COX7A2L: variants seen among roughly 807,000 people sequenced by gnomAD.
The protein encoded by COX7A2L is cytochrome c oxidase subunit 7A2 like.
Under a neutral mutation model 14.2 loss-of-function variants are expected in COX7A2L, and 18 were observed. That is an observed-to-expected ratio of 1.27 (90% CI 0.88 to 1.88). COX7A2L has a LOEUF of 1.88. Ranked by LOEUF, COX7A2L falls within the 40% of genes most tolerant of loss-of-function variation. The probability of loss-of-function intolerance (pLI) is 0.00; values close to 1 mark genes in which losing one functional copy is unlikely to be tolerated. For missense variants in COX7A2L, 179 were observed against 138.8 expected (o/e 1.29, Z -1.46); for synonymous variants, 65 against 57.4 (o/e 1.13, Z -0.60).
At chr2:42,365,273 A>T (rs760717331), upstream of COX7A2L, among the ~76,000 whole-genome samples, 7 of 152,238 alleles carry the variant, frequency 4.6e-5, no homozygotes, top group Non-Finnish European at 1.0e-4. Context: ...ATACATCTGC[A>T]GTGTTGAAAT....
chr2:42,346,822 A>G (rs1168115033), downstream of COX7A2L, among the ~76,000 whole-genome samples: 1 of 152,160 alleles, frequency 6.6e-6, no homozygotes, highest in Non-Finnish European at 1.5e-5. Flanking sequence ...TTTTTAAAAA[A>G]ATGTTTTATT....
At chr2:42,354,726 T>A (rs1670763804) in intron 1 of COX7A2L, among the ~76,000 whole-genome samples, 1 of 152,222 alleles carries the variant, frequency 6.6e-6, no homozygotes, top group African/African-American at 2.4e-5. Flanking sequence ...CATGGCCTGT[T>A]TTCTGTAACG....
chr2:42,352,295 G>C lies in COX7A2L; in HGVS notation c.204+917C>G, dbSNP rs79792674. Among the ~76,000 whole-genome samples, 11 of 152,164 alleles carry C rather than the reference G, an allele frequency of 7.2e-5. No individual in the cohort carries two copies. The East Asian group carries it at 2.1e-3, about 29-fold the overall frequency. On this transcript the variant is annotated intron_variant, in intron 2 of 2. Transcript: ENST00000234301. Reference sequence around the variant, plus strand: ...AGTGATCCTCCCGCCTCGGCCTCTGGAGTAGCTGGGGTTACAGACGCGTGC... The same window carrying C: ...AGTGATCCTCCCGCCTCGGCCTCTGCAGTAGCTGGGGTTACAGACGCGTGC...
At chr2:42,345,208 C>G (rs1428328523), downstream of COX7A2L, among the ~76,000 whole-genome samples, 1 of 151,684 alleles carries the variant, frequency 6.6e-6, no homozygotes, top group East Asian at 1.9e-4. Context: ...CATGGAGAAA[C>G]CCTGTCTCTA....
chr2:42,353,492 G>C (rs971912222), intron 1 of COX7A2L, 149 bp from the exon 2 acceptor site: 1 of 1,016,404 alleles, frequency 9.8e-7, no homozygotes, highest in South Asian at 1.6e-5. Context: ...TTGCCATTAC[G>C]ATTGCAGGGG....
rs1033345724 is a variant in COX7A2L at position 42,339,913 on chromosome 2, G to A, written c.193-6044C>T. ...TCTGTTCACACAACCCGTGAACCTC[G>A]CTGCTCTCTTCCTCTCCACCCACCT... is the stretch of plus-strand genomic sequence containing the variant. On this transcript the variant is annotated intron_variant, in intron 2 of 2. Transcript: ENST00000468711. The surrounding 1 kb of genome is among the most constrained non-coding windows in gnomAD (Gnocchi z 5.4). Among the ~76,000 whole-genome samples, 1 of 152,062 alleles carries A rather than the reference G, an allele frequency of 6.6e-6. No individual in the cohort carries two copies. The highest frequency in any genetic ancestry group is 1.5e-5 in the Non-Finnish European group (1 of 68,008).
In COX7A2L at chr2:42,339,202, C is replaced by T. The variant is rs554364538; in HGVS notation, c.193-5333G>A. Among the ~76,000 whole-genome samples, 3 of 152,172 alleles carry T rather than the reference C, an allele frequency of 2.0e-5. No homozygotes were observed. The highest frequency in any genetic ancestry group is 4.2e-4 in the South Asian group (2 of 4,816). On this transcript the variant is annotated intron_variant, in intron 2 of 2. Coordinates refer to the COX7A2L transcript ENST00000468711. This position sits in a 1 kb window ranked among gnomAD's most constrained non-coding sequence, Gnocchi z 5.4. ...GTAGTTAATTACTTTTTTTATTAACCATTATCAAGTTTAAACACAAGGATT... is the reference window on the plus strand; with the variant it reads ...GTAGTTAATTACTTTTTTTATTAACTATTATCAAGTTTAAACACAAGGATT...
intron 1 of COX7A2L, chr2:42,359,269 A>G (rs991889160): frequency 6.6e-6 from 1 of 152,188 alleles, no homozygotes; most frequent in African/African-American, 2.4e-5. Flanking sequence ...TTCCATTTAC[A>G]TGAAGTTCAA....
Position 42,351,253 on chromosome 2 carries a change from G to A in COX7A2L, c.311C>T (p.Ala104Val). Residue 104 changes from alanine to valine, a missense_variant, in exon 3 of 3, where the codon GCC becomes GTC. By Grantham distance (64) the Ala-to-Val change is moderately conservative. Transcript: ENST00000234301. ...TVGGTIYCLI[A>V]LYMASQPKNK Reference sequence around the variant, plus strand: ...TTTGGGCTGCGAAGCCATGTAGAGGGCGATCAGGCAGTAGATGGTCCCTCC... The same window carrying A: ...TTTGGGCTGCGAAGCCATGTAGAGGACGATCAGGCAGTAGATGGTCCCTCC... The A allele has an allele frequency of 2.5e-6, 4 of 1,614,168 alleles. No homozygotes were observed. Among genetic ancestry groups the A allele is most frequent in the Non-Finnish European group, 3.4e-6 (4 of 1,180,016 alleles).
downstream of COX7A2L, among the ~76,000 whole-genome samples, chr2:42,347,829 G>T (rs571677251): frequency 1.3e-5 from 2 of 152,194 alleles, no homozygotes; most frequent in African/African-American, 4.8e-5. Context: ...GCTGAGGCAG[G>T]AGAACTGCTT....
chr2:42,354,906 G>A (rs750472800), intron 1 of COX7A2L, among the ~76,000 whole-genome samples: 16 of 152,166 alleles, frequency 1.1e-4, no homozygotes, highest in Non-Finnish European at 1.9e-4. Flanking sequence ...CATTTCACAT[G>A]CATTACTTCA....
At chr2:42,354,499 A>C (rs1670757348) in intron 1 of COX7A2L, among the ~76,000 whole-genome samples, 1 of 152,124 alleles carries the variant, frequency 6.6e-6, no homozygotes, top group African/African-American at 2.4e-5. Context: ...AAAGAAGGAA[A>C]CCTCTTGCCC....
intron 1 of COX7A2L, among the ~76,000 whole-genome samples, chr2:42,355,875 G>A (rs1316900666): frequency 4.0e-5 from 6 of 151,792 alleles, no homozygotes; most frequent in Non-Finnish European, 7.4e-5. Context: ...ACAGGTGCAC[G>A]CCACCACGCC....
chr2:42,345,238 C>A (rs1670472431), downstream of COX7A2L, among the ~76,000 whole-genome samples: 1 of 151,844 alleles, frequency 6.6e-6, no homozygotes, highest in African/African-American at 2.4e-5. Context: ...CAAAAATTAG[C>A]CAGGTCTGGT....
chr2:42,368,552 T>C (rs1671211170), intron 1 of COX7A2L, among the ~76,000 whole-genome samples: 1 of 152,232 alleles, frequency 6.6e-6, no homozygotes, highest in African/African-American at 2.4e-5. Context: ...TTGAAAGTTC[T>C]TGTGATGCTA....
chr2:42,351,117 A>C lies in COX7A2L; in HGVS notation c.*102T>G. 7.8e-7 allele frequency: 1 copy of C among 1,285,180 alleles called. No individual in the cohort carries two copies. Among genetic ancestry groups the C allele is most frequent in the Non-Finnish European group, 1.0e-6 (1 of 953,754 alleles). The allele number at this position is 1,285,180 out of a possible 1,614,324, so 79.6% of individuals were successfully genotyped here. ...ATATCTTCCTATTTTTCTTGCAAAA[A>C]TGTTAAGCCATCCAAGTAAAAAAAA... On this transcript the variant is annotated 3_prime_UTR_variant, in exon 3 of 3. Transcript: ENST00000234301.
chr2:42,348,214 G>GA (rs1285690957), downstream of COX7A2L, among the ~76,000 whole-genome samples: 4 of 152,168 alleles, frequency 2.6e-5, no homozygotes, highest in African/African-American at 9.7e-5. Flanking sequence ...AATGACAACA[G>GA]AAAAAATCAG....
At chr2:42,360,842 C>G in intron 1 of COX7A2L, 2 of 549,670 alleles carry the variant, frequency 3.6e-6, no homozygotes, top group Non-Finnish European at 6.5e-6. Context: ...CGGGGGTCAC[C>G]TTGACCCCTG....
chr2:42,349,185 G>A (rs28558547), downstream of COX7A2L, among the ~76,000 whole-genome samples: 3,970 of 152,174 alleles, frequency 0.026, 179 homozygotes, highest in African/African-American at 0.09. Context: ...AGCATTATTC[G>A]TAACAGCCCC....
Sources: gnomAD v4.1 joint callset for allele counts (sites outside exome capture counted in the v4.1 genomes callset) on GRCh38, gnomAD v4.1.1 for gene constraint, Gnocchi (gnomAD v3.1) non-coding constraint, MANE v1.5 for transcripts, NCBI Gene and HGNC (gene_info 2026-07-23, HGNC 2026-07-21) for gene names.